YIPF6: variants seen among roughly 807,000 people sequenced by gnomAD.
YIPF6 encodes the protein protein YIPF6.
In YIPF6, 3 loss-of-function variants were observed where a neutral mutation model predicts 16.8. The observed-to-expected ratio is 0.18, with a 90% CI of 0.08 to 0.46. The LOEUF is 0.46. Among genes scored for constraint, YIPF6 ranks in the 20% least tolerant of loss-of-function variants. YIPF6 has a pLI of 0.98. For synonymous variants in YIPF6, 67 were observed against 61.9 expected (o/e 1.08, Z -0.38); for missense variants, 145 against 184.9 (o/e 0.78, Z 1.25).
In YIPF6 at chrX:68,518,761, G is replaced by A. The variant is rs752488203; in HGVS notation, c.266-9G>A. ...ATTACCTTCGCTTCTGTCTTTTCTT[G>A]TCTTGTAGGGGATTTGTGGGGCCCT... On this transcript the variant is annotated splice_polypyrimidine_tract_variant and intron_variant, in intron 3 of 6. Coordinates refer to ENST00000462683, the MANE Select transcript of YIPF6 (RefSeq NM_173834.4). The A allele has an allele frequency of 8.5e-7, 1 of 1,172,566 alleles. No homozygotes were observed. Among genetic ancestry groups the A allele is most frequent in the Non-Finnish European group, 1.1e-6 (1 of 880,810 alleles).
intron 6 of YIPF6, among the ~76,000 whole-genome samples, chrX:68,526,886 T>C (rs930709680): frequency 1.8e-5 from 2 of 112,186 alleles, no homozygotes; most frequent in African/African-American, 3.2e-5. Context: ...AAGTATTTTA[T>C]TGAGGATTTT....
In YIPF6 at chrX:68,531,894, C is replaced by G. The variant is rs1205647717; in HGVS notation, c.606C>G (p.Phe202Leu). Residue 202 changes from phenylalanine to leucine, a missense_variant, in exon 7 of 7, where the codon TTC becomes TTG. By Grantham distance (22) the Phe-to-Leu change is conservative (BLOSUM62 0). Coordinates refer to ENST00000462683, the MANE Select transcript of YIPF6 (RefSeq NM_173834.4). ...TGTTTTGTTTAGCCTCCACAGCTTT[C>G]CTTGCTGATAGCCAGCCTCCAAACC... ...FAWSIVASTA[F>L]LADSQPPNRR... 1.7e-6 allele frequency: 2 copies of G among 1,184,340 alleles called. No individual in the cohort carries two copies. Among genetic ancestry groups the G allele is most frequent in the Admixed American group, 4.7e-5 (2 of 42,585 alleles).
chrX:68,513,415 T>C lies in YIPF6; in HGVS notation c.265+10T>C. The C allele has an allele frequency of 8.5e-7, 1 of 1,173,238 alleles. No individual in the cohort carries two copies. The highest frequency in any genetic ancestry group is 1.1e-6 in the Non-Finnish European group (1 of 870,118). On this transcript the variant is annotated intron_variant, in intron 3 of 6. Transcript: ENST00000462683. ...ACTCTTTTGAGAGATTGTAAGTATA[T>C]GAGGTTTTTAAGGGTTTGCTTAATC...
At chrX:68,517,984 A>G (rs1264997609) in intron 3 of YIPF6, among the ~76,000 whole-genome samples, 1 of 107,921 alleles carries the variant, frequency 9.3e-6, no homozygotes, top group Non-Finnish European at 1.9e-5. Context: ...AAAAAAAAGA[A>G]AAGAATCAGG....
At chrX:68,529,681 G>A (rs1368421311) in intron 6 of YIPF6, among the ~76,000 whole-genome samples, 2 of 111,626 alleles carry the variant, frequency 1.8e-5, no homozygotes, top group Non-Finnish European at 3.8e-5. Context: ...TTTTTTTGAT[G>A]TTGATGCTAT....
chrX:68,530,582 G>C (rs777896914), intron 6 of YIPF6, among the ~76,000 whole-genome samples: 1 of 111,170 alleles, frequency 9.0e-6, no homozygotes, highest in East Asian at 2.8e-4. Flanking sequence ...TTGAAATCCA[G>C]GGCCCTGGTG....
At chrX:68,522,734 C>T in intron 5 of YIPF6, 26 bp from the exon 6 acceptor site, 1 of 1,177,189 alleles carries the variant, frequency 8.5e-7, no homozygotes, top group Non-Finnish European at 1.1e-6. Context: ...TATTTATGAT[C>T]TTTATTAATG....
chrX:68,523,051 C>A, intron 6 of YIPF6, 134 bp downstream of exon 6: 2 of 758,328 alleles, frequency 2.6e-6, no homozygotes, highest in Non-Finnish European at 1.9e-6. Context: ...TCCATAGAAC[C>A]CTCTTCCCTG....
intron 6 of YIPF6, among the ~76,000 whole-genome samples, chrX:68,529,619 C>G (rs1003893102): frequency 9.0e-6 from 1 of 111,502 alleles, no homozygotes; most frequent in African/African-American, 3.3e-5. Context: ...ATTTATCTAC[C>G]TTTGGTCTTT....
At chrX:68,509,929 A>G (rs970152338) in intron 1 of YIPF6, among the ~76,000 whole-genome samples, 2 of 111,580 alleles carry the variant, frequency 1.8e-5, no homozygotes, top group Non-Finnish European at 3.8e-5. Flanking sequence ...GTGCTGATCC[A>G]TACTTGGACT....
In YIPF6 at chrX:68,534,842, T is replaced by G. The variant is rs1338636687; in HGVS notation, c.*2843T>G. 8.9e-6 allele frequency: 1 copy of G among 111,988 alleles called. No individual in the cohort carries two copies. Among genetic ancestry groups the G allele is most frequent in the Non-Finnish European group, 1.9e-5 (1 of 53,283 alleles). 9.2% of individuals were successfully genotyped at this position (111,988 alleles called of 1,213,427 possible). A position where few individuals can be genotyped will look rare whatever the true frequency, so the allele number is the denominator to read the frequency against. On this transcript the variant is annotated 3_prime_UTR_variant, in exon 7 of 7. Coordinates refer to ENST00000462683, the MANE Select transcript of YIPF6 (RefSeq NM_173834.4). ...ACAAAGGAAACCCTGTTGCAGGATT[T>G]GGGAACTTTCATGCTTCAGATGAAA...
In YIPF6 at chrX:68,536,869, A is replaced by T. The variant is rs926264741; in HGVS notation, c.*4870A>T. On this transcript the variant is annotated 3_prime_UTR_variant, in exon 7 of 7. Transcript: ENST00000462683. ...CTTTCTTTTTAATTCTCCCAGAGGG[A>T]TGGTTAATGCATCACAATTTAACTT... The T allele has an allele frequency of 2.7e-5, 3 of 111,990 alleles. No individual in the cohort carries two copies. The highest frequency in any genetic ancestry group is 6.5e-5 in the African/African-American group (2 of 30,810). 9.2% of individuals were successfully genotyped at this position (111,990 alleles called of 1,213,427 possible).
chrX:68,519,092 C>T (rs781615050), intron 4 of YIPF6, among the ~76,000 whole-genome samples: 27 of 112,026 alleles, frequency 2.4e-4, no homozygotes, highest in Non-Finnish European at 1.3e-4. Context: ...TCCTGTTCCT[C>T]CCTATTATTA....
chrX:68,509,080 G>GCTATGTT (rs1191354402), intron 1 of YIPF6, among the ~76,000 whole-genome samples: 3 of 108,808 alleles, frequency 2.8e-5, no homozygotes, highest in Non-Finnish European at 5.7e-5. Context: ...GGGTGGGGGT[G>GCTATGTT]CTATGTTGTC....
chrX:68,517,023 T>C (rs187213383), intron 3 of YIPF6, among the ~76,000 whole-genome samples: 46 of 111,421 alleles, frequency 4.1e-4, no homozygotes, highest in African/African-American at 1.3e-3. Flanking sequence ...GATTTCACCA[T>C]GTTGGCCAGG....
intron 1 of YIPF6, among the ~76,000 whole-genome samples, chrX:68,502,359 C>T (rs1952521646): frequency 9.0e-6 from 1 of 111,563 alleles, no homozygotes; most frequent in Non-Finnish European, 1.9e-5. Context: ...ATTTTCCAAA[C>T]TTTAGTGTGC....
At chrX:68,511,437 G>A (rs1602455771) in intron 1 of YIPF6, among the ~76,000 whole-genome samples, 1 of 112,108 alleles carries the variant, frequency 8.9e-6, no homozygotes, top group African/African-American at 3.2e-5. Flanking sequence ...TATGGTTCAT[G>A]TAATGCTCAT....
At position 68,531,069 on chromosome X, in the gene YIPF6, T is replaced by C. The variant is rs1186137164; in HGVS notation, c.593-812T>C. Among the ~76,000 whole-genome samples, 33 of 111,283 alleles carry C rather than the reference T, an allele frequency of 3.0e-4. No homozygotes were observed. The Admixed American group carries it at 3.1e-3, about 10-fold the overall frequency. On this transcript the variant is annotated intron_variant, in intron 6 of 6. Transcript: ENST00000462683. ...ACCTCAGCCTCCCGAGTAGCCGAGA[T>C]TACAGGCATAAGCTGTAGCACCCAG...
intron 1 of YIPF6, among the ~76,000 whole-genome samples, chrX:68,504,688 C>T (rs1267084782): frequency 8.9e-6 from 1 of 111,934 alleles, no homozygotes. Flanking sequence ...TTTATCCAGC[C>T]CCTATTGTGT....
Sources: allele counts gnomAD v4.1 joint callset (sites outside exome capture counted in the v4.1 genomes callset), GRCh38; gene constraint gnomAD v4.1.1; transcripts MANE v1.5; gene names NCBI Gene and HGNC (gene_info 2026-07-23, HGNC 2026-07-21).